Variants in STAT4 observed in about 807,000 individuals in gnomAD.
The protein encoded by STAT4 is signal transducer and activator of transcription 4.
A neutral mutation model predicts 110.5 loss-of-function variants in STAT4; 42 were observed. The ratio of observed to expected loss-of-function variants is 0.38; its 90% CI spans 0.30 to 0.49. STAT4 has a LOEUF of 0.49. STAT4 is among the 20% of genes least tolerant of loss of function. STAT4 has a pLI of 0.95. For synonymous variants in STAT4, 284 were observed against 302.2 expected, an observed-to-expected ratio of 0.94 and a Z score of 0.63; for missense variants, 632 against 887.9, an observed-to-expected ratio of 0.71 and a Z score of 3.66.
rs1025598884 is a variant in STAT4, at chr2:191,053,567, G to A, written c.1251+923C>T. The stretch of plus-strand genomic sequence containing the variant: ...CGGAGTACTCAGACTGCATCAGTTT[G>A]TTCTTTCATTCAATTTGTCTAGTGA... On this transcript the variant is annotated intron_variant, in intron 14 of 23. Coordinates refer to ENST00000392320, the MANE Select transcript of STAT4 (RefSeq NM_003151.4). The surrounding 1 kb of genome is among the most constrained non-coding windows in gnomAD (Gnocchi z 4.5). 6.6e-6 allele frequency among the ~76,000 whole-genome samples: 1 copy of A among 152,196 alleles called. No homozygotes were observed. The highest frequency in any genetic ancestry group is 2.4e-5 in the African/African-American group (1 of 41,456).
rs1445088139 is a variant in STAT4 at position 191,143,534 on chromosome 2, G to C, written c.273+3079C>G. 6.6e-6 allele frequency among the ~76,000 whole-genome samples: 1 copy of C among 152,158 alleles called. No individual in the cohort carries two copies. The highest frequency in any genetic ancestry group is 1.5e-5 in the Non-Finnish European group (1 of 68,022). On this transcript the variant is annotated intron_variant, in intron 3 of 23. Transcript: ENST00000392320. The surrounding 1 kb of genome is among the most constrained non-coding windows in gnomAD (Gnocchi z 5.6). ...AATTTGCCATCGGGAAACTGGTTTT[G>C]TTTTGTCCTTTATAGCAAGCCATTC...
chr2:191,048,890 T>C (rs1696436480), intron 14 of STAT4, among the ~76,000 whole-genome samples: 1 of 149,330 alleles, frequency 6.7e-6, no homozygotes, highest in Admixed American at 6.7e-5. Flanking sequence ...AATATCCATA[T>C]TAATGATATT....
intron 3 of STAT4, among the ~76,000 whole-genome samples, chr2:191,128,438 G>C (rs188385931): frequency 1.3e-5 from 2 of 152,118 alleles, no homozygotes; most frequent in Non-Finnish European, 1.5e-5. Context: ...GCAGCTCCGC[G>C]TTTCAAGCCA....
At position 191,107,254 on chromosome 2, in the gene STAT4, A is replaced by G. The variant is rs781113823; in HGVS notation, c.274-30929T>C. 3.9e-5 allele frequency among the ~76,000 whole-genome samples: 6 copies of G among 152,158 alleles called. No homozygotes were observed. Among genetic ancestry groups the G allele is most frequent in the African/African-American group, 7.2e-5 (3 of 41,424 alleles). On this transcript the variant is annotated intron_variant, in intron 3 of 23. Transcript: ENST00000392320. This position sits in a 1 kb window ranked among gnomAD's most constrained non-coding sequence, Gnocchi z 4.2. ...GGTCAAACCTAGCATGCTGACCTCAATATGTACTTGAAGCATGTTTACTGA... is the reference window on the plus strand; with the variant it reads ...GGTCAAACCTAGCATGCTGACCTCAGTATGTACTTGAAGCATGTTTACTGA...
chr2:191,141,687 G>A (rs1023317195), intron 3 of STAT4, among the ~76,000 whole-genome samples: 1 of 151,426 alleles, frequency 6.6e-6, no homozygotes, highest in African/African-American at 2.4e-5. Context: ...CTGGAGTGCA[G>A]TGGCACTATC....
At chr2:191,114,668 C>G (rs1698525520) in intron 3 of STAT4, among the ~76,000 whole-genome samples, 1 of 152,138 alleles carries the variant, frequency 6.6e-6, no homozygotes, top group Admixed American at 6.5e-5. Context: ...TCACTTTTGT[C>G]TATAATCAAA....
Position 191,030,737 on chromosome 2 carries a change from T to C in STAT4, c.2220+235A>G. On this transcript the variant is annotated intron_variant, in intron 23 of 23. Coordinates refer to ENST00000392320, the MANE Select transcript of STAT4 (RefSeq NM_003151.4). This position sits in a 1 kb window ranked among gnomAD's most constrained non-coding sequence, Gnocchi z 4.4. Reference sequence around the variant, plus strand: ...TAGGAATATTTTGCCCTCTGGTGGTTTCTGGTGGAAACAACGTAAAGCAGT... The same window carrying C: ...TAGGAATATTTTGCCCTCTGGTGGTCTCTGGTGGAAACAACGTAAAGCAGT... 1 of 425,930 alleles carries C rather than the reference T, an allele frequency of 2.3e-6. No homozygotes were observed. The allele number at this position is 425,930 out of a possible 1,614,324, so 26.4% of individuals were successfully genotyped here.
At chr2:191,080,700 G>A (rs2125280430) in intron 3 of STAT4, among the ~76,000 whole-genome samples, 1 of 152,228 alleles carries the variant, frequency 6.6e-6, no homozygotes, top group East Asian at 1.9e-4. Flanking sequence ...TAACTTTTCA[G>A]GCAGATGTCC....
intron 3 of STAT4, among the ~76,000 whole-genome samples, chr2:191,111,717 C>G (rs1261299448): frequency 6.6e-6 from 1 of 151,992 alleles, no homozygotes; most frequent in Non-Finnish European, 1.5e-5. Flanking sequence ...AAAAAATTAA[C>G]CAGGAATGGT....
At chr2:191,067,067 T>C (rs1315357363) in intron 6 of STAT4, among the ~76,000 whole-genome samples, 1 of 151,702 alleles carries the variant, frequency 6.6e-6, no homozygotes, top group Non-Finnish European at 1.5e-5. Flanking sequence ...TTCTTTTTTT[T>C]TTTTTCAAAA....
At chr2:191,105,121 ATAGATAAC>A (rs1369156203) in intron 3 of STAT4, among the ~76,000 whole-genome samples, 1 of 152,218 alleles carries the variant, frequency 6.6e-6, no homozygotes, top group Non-Finnish European at 1.5e-5. Context: ...TAACACTGTG[ATAGATAAC>A]TAGCTGGAAT....
chr2:191,059,628 T>C lies in STAT4; in HGVS notation c.1035-859A>G, dbSNP rs1171028271. 6.6e-6 allele frequency among the ~76,000 whole-genome samples: 1 copy of C among 152,214 alleles called. No individual in the cohort carries two copies. Among genetic ancestry groups the C allele is most frequent in the Non-Finnish European group, 1.5e-5 (1 of 68,042 alleles). ...GAAGGGAGAAACGTGGACGTGGCTC[T>C]ACATAAAAGGAGGGAGTCCAGGCAC... On this transcript the variant is annotated intron_variant, in intron 10 of 23. Transcript: ENST00000392320. The surrounding 1 kb of genome is among the most constrained non-coding windows in gnomAD (Gnocchi z 4.7).
chr2:191,106,077 A>G (rs1471201576), intron 3 of STAT4, among the ~76,000 whole-genome samples: 1 of 152,150 alleles, frequency 6.6e-6, no homozygotes, highest in Non-Finnish European at 1.5e-5. Flanking sequence ...TACCGCCTCA[A>G]CTGAATCATC....
Position 191,035,577 on chromosome 2 carries a change from T to C in STAT4, c.1570+587A>G, listed in dbSNP as rs1396068999. ...GACTTTTTAGAAAATGTTTGGATTA[T>C]AGTTGGCACATGTAGTACCAGTGAC... is the stretch of plus-strand genomic sequence containing the variant. On this transcript the variant is annotated intron_variant, in intron 17 of 23. Coordinates refer to ENST00000392320, the MANE Select transcript of STAT4 (RefSeq NM_003151.4). This position sits in a 1 kb window ranked among gnomAD's most constrained non-coding sequence, Gnocchi z 4.7. Among the ~76,000 whole-genome samples the C allele has an allele frequency of 6.6e-6, 1 of 152,250 alleles. No individual in the cohort carries two copies. Among genetic ancestry groups the C allele is most frequent in the Non-Finnish European group, 1.5e-5 (1 of 68,042 alleles).
rs920258249 is a variant in STAT4 at position 191,082,653 on chromosome 2, T to G, written c.274-6328A>C. On this transcript the variant is annotated intron_variant, in intron 3 of 23. Coordinates refer to ENST00000392320, the MANE Select transcript of STAT4 (RefSeq NM_003151.4). This position sits in a 1 kb window ranked among gnomAD's most constrained non-coding sequence, Gnocchi z 4.7. ...GCTACTTTATGCTAAATTTCTTGGC[T>G]TTCCTTCAAATTCCCCTTCCACAGC... 1.3e-5 allele frequency among the ~76,000 whole-genome samples: 2 copies of G among 152,230 alleles called. No individual in the cohort carries two copies. The highest frequency in any genetic ancestry group is 4.8e-5 in the African/African-American group (2 of 41,454).
At position 191,058,338 on chromosome 2, in the gene STAT4, T is replaced by C. The variant is rs1850442; in HGVS notation, c.1095-119A>G. On this transcript the variant is annotated intron_variant, in intron 11 of 23. Coordinates refer to ENST00000392320, the MANE Select transcript of STAT4 (RefSeq NM_003151.4). This position sits in a 1 kb window ranked among gnomAD's most constrained non-coding sequence, Gnocchi z 4.3. Reference sequence around the variant, plus strand: ...TTTGAGACAGAGTCTCGCTCTGTCGTCCAGGCTGGAGTGCAGTGGTGCAAT... The same window carrying C: ...TTTGAGACAGAGTCTCGCTCTGTCGCCCAGGCTGGAGTGCAGTGGTGCAAT... 0.99 allele frequency: 1,083,296 copies of C among 1,096,882 alleles called. 536,011 individuals are homozygous for C. The highest frequency in any genetic ancestry group is 1 in the East Asian group (37,820 of 37,822). 67.9% of individuals were successfully genotyped at this position (1,096,882 alleles called of 1,614,324 possible).
chr2:191,051,196 T>A lies in STAT4; in HGVS notation c.1251+3294A>T, dbSNP rs900426390. 4.6e-5 allele frequency among the ~76,000 whole-genome samples: 7 copies of A among 152,152 alleles called. No individual in the cohort carries two copies. Among genetic ancestry groups the A allele is most frequent in the Non-Finnish European group, 7.3e-5 (5 of 68,034 alleles). On this transcript the variant is annotated intron_variant, in intron 14 of 23. Coordinates refer to ENST00000392320, the MANE Select transcript of STAT4 (RefSeq NM_003151.4). The surrounding 1 kb of genome is among the most constrained non-coding windows in gnomAD (Gnocchi z 5.6). ...CCAGGGTCCCCTGAAAGGGACCACA[T>A]CTCCAGCAGAGCACTTGACAGGTGA...
rs1356860356 is a variant in STAT4 at position 191,076,311 on chromosome 2, T to C, written c.288A>G (p.Gly96=). ...TAACCACAGCTACATGCATTGGATTTCCATGAAATTTTCCCTGAAAAAAAA... is the reference window on the plus strand; with the variant it reads ...TAACCACAGCTACATGCATTGGATTCCCATGAAATTTTCCCTGAAAAAAAA... ...IRKVLQGKFH[G]NPMHVAVVIS... Residue 96 remains glycine (G), a synonymous_variant, in exon 4 of 24, where the codon GGA becomes GGG. Transcript: ENST00000392320. 3 of 1,599,944 alleles carry C rather than the reference T, an allele frequency of 1.9e-6. No homozygotes were observed. The highest frequency in any genetic ancestry group is 1.7e-6 in the Non-Finnish European group (2 of 1,175,572).
In STAT4 at chr2:191,061,950, C is replaced by G; in HGVS notation, c.942-129G>C. Reference sequence around the variant, plus strand: ...TACACTTAGAAGATATTCAAACCCCCAATTAAACTCAAATCTTTACAATGA... The same window carrying G: ...TACACTTAGAAGATATTCAAACCCCGAATTAAACTCAAATCTTTACAATGA... On this transcript the variant is annotated intron_variant, in intron 9 of 23. Coordinates refer to ENST00000392320, the MANE Select transcript of STAT4 (RefSeq NM_003151.4). The surrounding 1 kb of genome is among the most constrained non-coding windows in gnomAD (Gnocchi z 6.2). The G allele has an allele frequency of 1.4e-6, 1 of 734,906 alleles. No individual in the cohort carries two copies. The allele number at this position is 734,906 out of a possible 1,614,324, so 45.5% of individuals were successfully genotyped here.
Sources: allele counts gnomAD v4.1 joint callset (sites outside exome capture counted in the v4.1 genomes callset), GRCh38; gene constraint gnomAD v4.1.1; non-coding constraint Gnocchi (gnomAD v3.1); transcripts MANE v1.5; gene names NCBI Gene and HGNC (gene_info 2026-07-23, HGNC 2026-07-21).